Variants in UGGT2 observed in about 807,000 individuals in gnomAD.
UGGT2 encodes UDP-glucose:glycoprotein glucosyltransferase 2.
UGGT2 carries 180 observed loss-of-function variants against 192.1 expected under a neutral mutation model. The observed-to-expected ratio is 0.94, with a 90% CI of 0.83 to 1.06. The LOEUF (loss-of-function observed/expected upper bound fraction) is 1.06, where lower values mean the gene tolerates loss of function less well. Ranked by LOEUF, UGGT2 falls within the 50% of genes least tolerant of loss-of-function variation. UGGT2 has a pLI of 0.00. For missense variants in UGGT2, 1,849 were observed against 1,795.7 expected (o/e 1.03, Z -0.54); for synonymous variants, 580 against 591.0 (o/e 0.98, Z 0.27).
intron 12 of UGGT2, among the ~76,000 whole-genome samples, chr13:95,963,320 C>A (rs2050462197): frequency 6.6e-6 from 1 of 151,906 alleles, no homozygotes; most frequent in Non-Finnish European, 1.5e-5. Context: ...TTAATAGATG[C>A]AGAAAAAGAA....
intron 9 of UGGT2, among the ~76,000 whole-genome samples, chr13:95,985,914 T>A (rs987020916): frequency 6.6e-6 from 1 of 152,248 alleles, no homozygotes; most frequent in South Asian, 2.1e-4. Context: ...TACCAATCAT[T>A]TGGACTCTGA....
intron 4 of UGGT2, among the ~76,000 whole-genome samples, chr13:96,018,748 AAC>A (rs1408056355): frequency 6.6e-6 from 1 of 151,682 alleles, no homozygotes; most frequent in Non-Finnish European, 1.5e-5. Context: ...TGAAAAAAAA[AAC>A]AAAAAAAACA....
At position 95,828,598 on chromosome 13, in the gene UGGT2, C is replaced by T. The variant is rs550462407; in HGVS notation, c.4528+4329G>A. ...ATGGATAAATTCCTGGATACATGCA[C>T]CCTCCCAAGACTAAACCAGGAAGAA... On this transcript the variant is annotated intron_variant, in intron 38 of 38. Coordinates refer to ENST00000376747, the MANE Select transcript of UGGT2 (RefSeq NM_020121.4). 2.3e-4 allele frequency among the ~76,000 whole-genome samples: 35 copies of T among 152,198 alleles called. 1 individual carries two copies. In the South Asian group the frequency reaches 6.2e-3, roughly 27 times the overall value.
chr13:95,979,708 A>G (rs2051055166), intron 10 of UGGT2, among the ~76,000 whole-genome samples: 1 of 152,148 alleles, frequency 6.6e-6, no homozygotes, highest in Admixed American at 6.6e-5. Flanking sequence ...CAGCAGAGTT[A>G]GCAGACAGCC....
At chr13:95,898,563 G>A (rs1339051504) in intron 22 of UGGT2, among the ~76,000 whole-genome samples, 1 of 152,086 alleles carries the variant, frequency 6.6e-6, no homozygotes, top group Non-Finnish European at 1.5e-5. Flanking sequence ...ATGTGCTATG[G>A]TTTGAATGTC....
chr13:95,875,803 A>C (rs1891620632), intron 29 of UGGT2, among the ~76,000 whole-genome samples: 1 of 152,216 alleles, frequency 6.6e-6, no homozygotes, highest in African/African-American at 2.4e-5. Flanking sequence ...TGAGCTAGGC[A>C]CAGTATAAAG....
intron 38 of UGGT2, among the ~76,000 whole-genome samples, chr13:95,804,821 C>T (rs767386926): frequency 6.6e-6 from 1 of 152,044 alleles, no homozygotes; most frequent in Non-Finnish European, 1.5e-5. Context: ...AAATATAAGA[C>T]CTGAAATTAT....
At chr13:95,948,256 T>C (rs367828280) in intron 13 of UGGT2, among the ~76,000 whole-genome samples, 175 bp from the exon 14 acceptor site, 32 of 105,288 alleles carry the variant, frequency 3.0e-4, no homozygotes, top group South Asian at 6.4e-4. Context: ...CACACACATA[T>C]AAAGGATTTC....
At chr13:95,901,026 A>G in intron 21 of UGGT2, 88 bp from the exon 22 acceptor site, 5 of 901,234 alleles carry the variant, frequency 5.5e-6, no homozygotes, top group Non-Finnish European at 7.3e-6. Flanking sequence ...ATTAGTATAA[A>G]ATTTTAAATA....
chr13:96,015,953 G>A (rs2052325153), intron 4 of UGGT2, among the ~76,000 whole-genome samples: 1 of 152,116 alleles, frequency 6.6e-6, no homozygotes, highest in African/African-American at 2.4e-5. Flanking sequence ...AACTTTTTGG[G>A]AACTGGAGTA....
At chr13:95,995,110 C>T (rs1052818257) in intron 7 of UGGT2, among the ~76,000 whole-genome samples, 2 of 151,786 alleles carry the variant, frequency 1.3e-5, no homozygotes, top group East Asian at 1.9e-4. Flanking sequence ...AAATAAACTT[C>T]GACAGTAAGT....
intron 20 of UGGT2, among the ~76,000 whole-genome samples, chr13:95,906,416 T>C (rs1007200878): frequency 6.6e-6 from 1 of 152,124 alleles, no homozygotes; most frequent in Non-Finnish European, 1.5e-5. Flanking sequence ...ATAAAGATTA[T>C]ACAATCTGGA....
intron 38 of UGGT2, among the ~76,000 whole-genome samples, chr13:95,808,454 C>T (rs1397001704): frequency 6.6e-6 from 1 of 151,794 alleles, no homozygotes; most frequent in African/African-American, 2.4e-5. Flanking sequence ...TCATTAAAAA[C>T]CTGTTGAGGC....
intron 31 of UGGT2, among the ~76,000 whole-genome samples, chr13:95,862,347 A>T (rs187677639): frequency 6.6e-6 from 1 of 152,214 alleles, no homozygotes; most frequent in Admixed American, 6.5e-5. Flanking sequence ...AAAATGATTA[A>T]TGGTTTTCCA....
intron 4 of UGGT2, among the ~76,000 whole-genome samples, chr13:96,015,005 G>A (rs772465332): frequency 8.6e-5 from 13 of 151,986 alleles, no homozygotes; most frequent in South Asian, 2.1e-4. Flanking sequence ...GCGGCCAGGC[G>A]CGGTGGCTCA....
chr13:96,000,860 G>T (rs1250176563), intron 5 of UGGT2, among the ~76,000 whole-genome samples: 1 of 125,530 alleles, frequency 8.0e-6, no homozygotes, highest in African/African-American at 2.8e-5. Context: ...CAAATCAACA[G>T]GTTAAAAAAA....
At chr13:95,809,322 C>A (rs994518929) in intron 38 of UGGT2, 5 of 490,422 alleles carry the variant, frequency 1.0e-5, no homozygotes, top group African/African-American at 9.9e-5. Context: ...GACTTGGCTT[C>A]TTTCTCTCTA....
chr13:95,967,011 T>C (rs1407269018), intron 12 of UGGT2, among the ~76,000 whole-genome samples: 2 of 152,236 alleles, frequency 1.3e-5, no homozygotes, highest in African/African-American at 2.4e-5. Context: ...AACTAGTTTC[T>C]ACTTTGTTTT....
intron 2 of UGGT2, among the ~76,000 whole-genome samples, chr13:96,031,331 G>A (rs1161526278): frequency 6.6e-6 from 1 of 152,162 alleles, no homozygotes; most frequent in Non-Finnish European, 1.5e-5. Context: ...GGGGGGGACA[G>A]GGGAGACAAG....
Sources: gnomAD v4.1 joint callset for allele counts (sites outside exome capture counted in the v4.1 genomes callset) on GRCh38, gnomAD v4.1.1 for gene constraint, MANE v1.5 for transcripts, NCBI Gene and HGNC (gene_info 2026-07-23, HGNC 2026-07-21) for gene names.